The following SLFN11 variants were observed in gnomAD, a reference collection of about 807,000 sequenced individuals.
The protein encoded by SLFN11 is schlafen family member 11.
A neutral mutation model predicts 53.4 loss-of-function variants in SLFN11; 43 were observed. The ratio of observed to expected loss-of-function variants is 0.80; its 90% CI spans 0.63 to 1.04. The LOEUF is 1.04. Ranked by LOEUF, SLFN11 falls within the 50% of genes least tolerant of loss-of-function variation. SLFN11 has a pLI of 0.00. For synonymous variants in SLFN11, 389 were observed against 394.7 expected, an observed-to-expected ratio of 0.99 and a Z score of 0.17; for missense variants, 990 against 1,079.1, an observed-to-expected ratio of 0.92 and a Z score of 1.16.
At chr17:35,360,589 G>T (rs1386120995) in intron 4 of SLFN11, among the ~76,000 whole-genome samples, 1 of 152,050 alleles carries the variant, frequency 6.6e-6, no homozygotes, top group African/African-American at 2.4e-5. Flanking sequence ...AAGTTTAACT[G>T]TATTTCTCCA....
At chr17:35,373,316 A>G in intron 1 of SLFN11, among the ~76,000 whole-genome samples, 158 bp downstream of exon 1, 1 of 138,214 alleles carries the variant, frequency 7.2e-6, no homozygotes, top group East Asian at 2.4e-4. Context: ...TTTTTAGGGA[A>G]CCTGCTGAGC....
At chr17:35,362,554 T>C (rs62079549) in intron 4 of SLFN11, among the ~76,000 whole-genome samples, 185 bp downstream of exon 4, 1 of 152,112 alleles carries the variant, frequency 6.6e-6, no homozygotes, top group African/African-American at 2.4e-5. Flanking sequence ...TATAGACATG[T>C]GAGTTAGGTT....
intron 5 of SLFN11, among the ~76,000 whole-genome samples, chr17:35,358,001 G>A (rs1907746817): frequency 6.8e-6 from 1 of 147,738 alleles, no homozygotes; most frequent in East Asian, 2.0e-4. Flanking sequence ...TGCTCATTTA[G>A]TTTTTATGTT....
intron 1 of SLFN11, among the ~76,000 whole-genome samples, chr17:35,372,821 G>A (rs546051196): frequency 3.9e-5 from 6 of 151,992 alleles, no homozygotes; most frequent in Non-Finnish European, 7.4e-5. Context: ...AAAGGGAAAT[G>A]GGCTGCGACA....
chr17:35,370,518 A>G (rs912272999), intron 1 of SLFN11, among the ~76,000 whole-genome samples: 6 of 152,244 alleles, frequency 3.9e-5, no homozygotes, highest in Non-Finnish European at 4.4e-5. Flanking sequence ...CTAAATTGGA[A>G]AGGAAGAAGT....
At position 35,353,566 on chromosome 17, in the gene SLFN11, G is replaced by A. The variant is rs754081871; in HGVS notation, c.1692C>T (p.Leu564=). ...CCTCACAGCCGAGCTGGTCACTCAA[G>A]AGAGACCTGAAGCCGAGTAAGACAA... The part of the protein sequence containing the change: ...LVIVLLGFRS[L]LSDQLGCEVL... The change falls in exon 6 of 7, where the codon CTC becomes CTT. Residue 564 remains leucine, a synonymous_variant. Coordinates refer to ENST00000685675, the MANE Select transcript of SLFN11 (RefSeq NM_001376007.1). 6.0e-4 allele frequency: 765 copies of A among 1,279,116 alleles called. 8 individuals are homozygous for A. The highest frequency in any genetic ancestry group is 1.1e-4 in the Non-Finnish European group (102 of 950,368). The allele number at this position is 1,279,116 out of a possible 1,614,324, so 79.2% of individuals were successfully genotyped here.
chr17:35,353,181 A>T, intron 6 of SLFN11, 42 bp from the exon 7 acceptor site: 1 of 1,596,570 alleles, frequency 6.3e-7, no homozygotes, highest in Non-Finnish European at 8.5e-7. Flanking sequence ...TCTCTAAAAA[A>T]ACAAGGGGAG....
Position 35,352,554 on chromosome 17 carries a change from C to T in SLFN11, c.2508G>A (p.Val836=), listed in dbSNP as rs1407876027. 1 of 1,614,082 alleles carries T rather than the reference C, an allele frequency of 6.2e-7. No homozygotes were observed. Among genetic ancestry groups the T allele is most frequent in the Non-Finnish European group, 8.5e-7 (1 of 1,180,052 alleles). ...ACATATCACATGCATCACTGAGCTG[C>T]ACCACCCTTTTCTTCCTCATTGCTT... ...LLKAMRKKRV[V]QLSDACDMLG... The change falls in exon 7 of 7, where the codon GTG becomes GTA. Residue 836 remains valine, a synonymous_variant. Transcript: ENST00000685675.
chr17:35,370,485 C>A (rs1343993744), intron 1 of SLFN11, among the ~76,000 whole-genome samples: 1 of 151,774 alleles, frequency 6.6e-6, no homozygotes, highest in Non-Finnish European at 1.5e-5. Flanking sequence ...AGCAATTAGA[C>A]AAGAGAAAGA....
chr17:35,352,981 C>T lies in SLFN11; in HGVS notation c.2081G>A (p.Gly694Asp). 1 of 1,614,164 alleles carries T rather than the reference C, an allele frequency of 6.2e-7. No homozygotes were observed. The highest frequency in any genetic ancestry group is 8.5e-7 in the Non-Finnish European group (1 of 1,180,028). The change falls in exon 7 of 7, where the codon GGC (glycine) becomes GAC (aspartate). Residue 694 changes from glycine to aspartate, a missense_variant. Physicochemically the swap from Gly to Asp is moderately conservative, Grantham distance 94. Transcript: ENST00000685675. ...CAGAAAGATCCAGAGAATTCCTGGG[C>T]CACCCTTTGCTCTCCGAGTGATGCT... ...AKSITRRAKG[G>D]PGILWIFLDY...
In SLFN11 at chr17:35,352,370, A is replaced by C; in HGVS notation, c.2692T>G (p.Trp898Gly). The change falls in exon 7 of 7, where the codon TGG becomes GGG. Residue 898 changes from tryptophan to glycine, a missense_variant. By Grantham distance (184) the Trp-to-Gly change is radical (BLOSUM62 -2). Coordinates refer to ENST00000685675, the MANE Select transcript of SLFN11 (RefSeq NM_001376007.1). Reference protein sequence around the residue: ...RAKQHLYIFPWGGH With the variant: ...RAKQHLYIFPGGGH ...TGGAGTTCTTCCTAATGGCCACCCC[A>C]CGGAAAAATATACAGGTGTTGTTTT... The C allele has an allele frequency of 6.2e-7, 1 of 1,613,792 alleles. No homozygotes were observed. Among genetic ancestry groups the C allele is most frequent in the Non-Finnish European group, 8.5e-7 (1 of 1,179,646 alleles).
chr17:35,362,516 C>T (rs1597716129), intron 4 of SLFN11, among the ~76,000 whole-genome samples: 1 of 152,202 alleles, frequency 6.6e-6, no homozygotes, highest in South Asian at 2.1e-4. Flanking sequence ...ATTTTCTGTT[C>T]AGTTACTAAT....
At chr17:35,367,121 A>C (rs1909052903) in intron 2 of SLFN11, 58 bp from the exon 3 acceptor site, 1 of 151,354 alleles carries the variant, frequency 6.6e-6, no homozygotes, top group Non-Finnish European at 1.5e-5. Context: ...CACCTTGCCT[A>C]GTTTAGACCC....
At position 35,351,973 on chromosome 17, in the gene SLFN11, A is replaced by G. The variant is rs1316485654; in HGVS notation, c.*383T>C. The stretch of plus-strand genomic sequence containing the variant: ...AGAAAACGATTCTGGACAAATTTTT[A>G]AAAGCAACAAACTGCATGAAGTCAC... On this transcript the variant is annotated 3_prime_UTR_variant, in exon 7 of 7. Transcript: ENST00000685675. 2 of 194,910 alleles carry G rather than the reference A, an allele frequency of 1.0e-5. No individual in the cohort carries two copies. The highest frequency in any genetic ancestry group is 2.1e-5 in the Non-Finnish European group (2 of 95,412). The allele number at this position is 194,910 out of a possible 1,614,324, so 12.1% of individuals were successfully genotyped here. A position where few individuals can be genotyped will look rare whatever the true frequency, so the allele number is the denominator to read the frequency against.
rs1906881450 is a variant in SLFN11, at chr17:35,352,748, C to T, written c.2314G>A (p.Gly772Ser). 1 of 1,614,154 alleles carries T rather than the reference C, an allele frequency of 6.2e-7. No individual in the cohort carries two copies. Among genetic ancestry groups the T allele is most frequent in the Non-Finnish European group, 8.5e-7 (1 of 1,180,040 alleles). Reference protein sequence around the residue: ...EVFPEAEWSQGVQGTLRIKKY... With the variant: ...EVFPEAEWSQSVQGTLRIKKY... The stretch of plus-strand genomic sequence containing the variant: ...TTAATTCGTAAGGTTCCCTGAACAC[C>T]CTGGGACCATTCGGCTTCAGGAAAT... Residue 772 changes from glycine (G) to serine (S), a missense_variant, in exon 7 of 7, where the codon GGT (glycine) becomes AGT (serine). Physicochemically the swap from Gly to Ser is moderately conservative, Grantham distance 56. Transcript: ENST00000685675.
intron 1 of SLFN11, among the ~76,000 whole-genome samples, chr17:35,371,233 T>G (rs899256295): frequency 1.3e-5 from 2 of 152,110 alleles, no homozygotes; most frequent in African/African-American, 2.4e-5. Flanking sequence ...AGACATTCTC[T>G]TCAATAAATG....
chr17:35,362,751 C>CTGT lies in SLFN11; in HGVS notation c.1054_1056dup (p.Thr352dup). The CTGT allele has an allele frequency of 2.6e-6, 4 of 1,564,042 alleles. No homozygotes were observed. The highest frequency in any genetic ancestry group is 1.4e-5 in the African/African-American group (1 of 72,858). On this transcript the variant is annotated inframe_insertion, in exon 4 of 7. Transcript: ENST00000685675. ...TTCTCCCTCTTACCTGGATCTGTGT[C>CTGT]TGTCATCATGCCTACCCATTTCTCG...
chr17:35,371,415 AAATTCATTGAGC>A (rs1357433334), intron 1 of SLFN11, among the ~76,000 whole-genome samples: 1 of 152,062 alleles, frequency 6.6e-6, no homozygotes, highest in Non-Finnish European at 1.5e-5. Flanking sequence ...ATCTGAGCAA[AAATTCATTGAGC>A]AATACCCCAC....
Position 35,352,512 on chromosome 17 carries a change from C to T in SLFN11, c.2550G>A (p.Val850=). 1 of 1,614,222 alleles carries T rather than the reference C, an allele frequency of 6.2e-7. No individual in the cohort carries two copies. Among genetic ancestry groups the T allele is most frequent in the Non-Finnish European group, 8.5e-7 (1 of 1,180,044 alleles). Residue 850 remains valine (V), a synonymous_variant, in exon 7 of 7, where the codon GTG becomes GTA. Transcript: ENST00000685675. The part of the protein sequence containing the change: ...DACDMLGDHI[V]LDSVRRFSGL... ...CTGAGAATCGCCGAACACTGTCCAA[C>T]ACAATGTGATCACCCAACATATCAC...
Sources: allele counts gnomAD v4.1 joint callset (sites outside exome capture counted in the v4.1 genomes callset), GRCh38; gene constraint gnomAD v4.1.1; transcripts MANE v1.5; gene names NCBI Gene and HGNC (gene_info 2026-07-23, HGNC 2026-07-21).